CELSR1: variants seen among roughly 807,000 people sequenced by gnomAD.
CELSR1 encodes cadherin EGF LAG seven-pass G-type receptor 1.
Under a neutral mutation model 249.1 loss-of-function variants are expected in CELSR1, and 110 were observed. The observed-to-expected ratio is 0.44, with a 90% CI of 0.38 to 0.52. CELSR1 has a LOEUF of 0.52. CELSR1 is among the 20% of genes least tolerant of loss of function. The probability of loss-of-function intolerance (pLI) is 0.00; values close to 1 mark genes in which losing one functional copy is unlikely to be tolerated. For missense variants in CELSR1, 4,109 were observed against 4,296.4 expected, an observed-to-expected ratio of 0.96 and a Z score of 1.22; for synonymous variants, 2,113 against 1,900.0, an observed-to-expected ratio of 1.11 and a Z score of -2.92.
rs1379451724 is a variant in CELSR1, at chr22:46,401,862, G to A, written c.5227-1960C>T. ...GTGACTTTGGGAGACCAAGGCGGGT[G>A]GATCACCTGAGGTCAGGAGTTTGAG... On this transcript the variant is annotated intron_variant, in intron 9 of 34. Transcript: ENST00000674500. This position sits in a 1 kb window ranked among gnomAD's most constrained non-coding sequence, Gnocchi z 4.7. Among the ~76,000 whole-genome samples, 1 of 152,116 alleles carries A rather than the reference G, an allele frequency of 6.6e-6. No homozygotes were observed. The highest frequency in any genetic ancestry group is 2.4e-5 in the African/African-American group (1 of 41,414).
rs753474429 is a variant in CELSR1 at position 46,535,818 on chromosome 22, G to A, written c.1353C>T (p.Asp451=). The A allele has an allele frequency of 1.9e-6, 3 of 1,612,144 alleles. No homozygotes were observed. Among genetic ancestry groups the A allele is most frequent in the Non-Finnish European group, 2.5e-6 (3 of 1,179,992 alleles). ...ATATVYIEVE[D]ENDNYPQFSE... ...TGAACTGGGGGTAGTTGTCGTTCTC[G>A]TCCTCCACCTCGATGTACACGGTGG... Residue 451 remains aspartate (D), a synonymous_variant, in exon 1 of 35, where the codon GAC becomes GAT. Coordinates refer to ENST00000674500, the MANE Select transcript of CELSR1 (RefSeq NM_001378328.1).
chr22:46,394,510 T>A (rs1332165225), intron 13 of CELSR1, among the ~76,000 whole-genome samples: 1 of 152,118 alleles, frequency 6.6e-6, no homozygotes, highest in African/African-American at 2.4e-5. Flanking sequence ...GTGCCCCACG[T>A]CCACATGATG....
chr22:46,517,385 C>G lies in CELSR1; in HGVS notation c.3544+16242G>C, dbSNP rs1466836528. On this transcript the variant is annotated intron_variant, in intron 1 of 34. Transcript: ENST00000674500. The surrounding 1 kb of genome is among the most constrained non-coding windows in gnomAD (Gnocchi z 5.4). Reference sequence around the variant, plus strand: ...CAACACCAAAGCCACCGGTTTCCTGCCTACGGGGTCATCCCGGCCTGGTTT... The same window carrying G: ...CAACACCAAAGCCACCGGTTTCCTGGCTACGGGGTCATCCCGGCCTGGTTT... Among the ~76,000 whole-genome samples, 1 of 152,254 alleles carries G rather than the reference C, an allele frequency of 6.6e-6. No homozygotes were observed. Among genetic ancestry groups the G allele is most frequent in the African/African-American group, 2.4e-5 (1 of 41,472 alleles).
intron 14 of CELSR1, 37 bp downstream of exon 14, chr22:46,394,105 A>G (rs1569131046): frequency 6.2e-7 from 1 of 1,600,616 alleles, no homozygotes. Context: ...TGTGTGAGCA[A>G]ACACAGCATG....
intron 23 of CELSR1, among the ~76,000 whole-genome samples, chr22:46,378,326 A>C (rs992667407): frequency 1.3e-5 from 2 of 152,200 alleles, no homozygotes; most frequent in African/African-American, 4.8e-5. Context: ...ATACATAACC[A>C]GGGCTCTCTG....
At chr22:46,503,543 G>GA (rs1318047161) in intron 1 of CELSR1, among the ~76,000 whole-genome samples, 1 of 152,244 alleles carries the variant, frequency 6.6e-6, no homozygotes, top group African/African-American at 2.4e-5. Flanking sequence ...CCAGCGAGAG[G>GA]AAGCCAAGAG....
intron 20 of CELSR1, 45 bp downstream of exon 20, chr22:46,384,498 C>G: frequency 6.5e-7 from 1 of 1,544,378 alleles, no homozygotes; most frequent in Non-Finnish European, 8.8e-7. Context: ...CCTCCCTGAA[C>G]GCTGGGGACT....
intron 1 of CELSR1, among the ~76,000 whole-genome samples, chr22:46,494,182 C>G (rs765924569): frequency 6.6e-6 from 1 of 152,204 alleles, no homozygotes; most frequent in Non-Finnish European, 1.5e-5. Context: ...GCTGGCCTAT[C>G]TGGCTATCCT....
chr22:46,448,840 T>A lies in CELSR1; in HGVS notation c.4184-9429A>T, dbSNP rs889032985. Among the ~76,000 whole-genome samples, 1 of 151,986 alleles carries A rather than the reference T, an allele frequency of 6.6e-6. No homozygotes were observed. Among genetic ancestry groups the A allele is most frequent in the Non-Finnish European group, 1.5e-5 (1 of 68,004 alleles). ...GGATCCTAGGATGCAGAAAGCACAG[T>A]CTTGAAGACACAACCCAACAGCGTG... On this transcript the variant is annotated intron_variant, in intron 2 of 34. Transcript: ENST00000674500. This position sits in a 1 kb window ranked among gnomAD's most constrained non-coding sequence, Gnocchi z 5.7.
intron 24 of CELSR1, among the ~76,000 whole-genome samples, chr22:46,376,280 T>C (rs947357295): frequency 6.6e-6 from 1 of 152,264 alleles, no homozygotes; most frequent in Admixed American, 6.5e-5. Flanking sequence ...TAAACCATCC[T>C]TGCATTCCTA....
At chr22:46,389,749 C>T (rs1319293219) in intron 17 of CELSR1, among the ~76,000 whole-genome samples, 1 of 151,812 alleles carries the variant, frequency 6.6e-6, no homozygotes, top group East Asian at 1.9e-4. Context: ...AAACCCGTCT[C>T]TACTCTCTAT....
Position 46,380,877 on chromosome 22 carries a change from G to A in CELSR1, c.7167C>T (p.Pro2389=), listed in dbSNP as rs571539864. 1.1e-5 allele frequency: 18 copies of A among 1,613,092 alleles called. No homozygotes were observed. The highest frequency in any genetic ancestry group is 1.4e-5 in the Non-Finnish European group (17 of 1,179,928). Residue 2389 remains proline, a synonymous_variant, in exon 22 of 35, where the codon CCC becomes CCT. Transcript: ENST00000674500. This position sits in a 1 kb window ranked among gnomAD's most constrained non-coding sequence, Gnocchi z 5.1. The part of the protein sequence containing the change: ...VYSEGAPLPR[P]LERPVLVEFA... Reference sequence around the variant, plus strand: ...ACTCCACCAGGACGGGCCTCTCCAGGGGTCTCGGGAGCGGAGCCCCCTCGC... The same window carrying A: ...ACTCCACCAGGACGGGCCTCTCCAGAGGTCTCGGGAGCGGAGCCCCCTCGC...
rs143151758 is a variant in CELSR1, at chr22:46,472,639, G to A, written c.3545-8294C>T. Among the ~76,000 whole-genome samples the A allele has an allele frequency of 4.7e-3, 719 of 152,338 alleles. 8 individuals carry two copies. Among genetic ancestry groups the A allele is most frequent in the African/African-American group, 0.016 (684 of 41,568 alleles). ...ACGGGTGGCATCAGCTCCCGGGGCC[G>A]TCGGAGCAAAGGGCCGCCGCTGCAT... On this transcript the variant is annotated intron_variant, in intron 1 of 34. Coordinates refer to ENST00000674500, the MANE Select transcript of CELSR1 (RefSeq NM_001378328.1). This position sits in a 1 kb window ranked among gnomAD's most constrained non-coding sequence, Gnocchi z 7.0.
intron 2 of CELSR1, among the ~76,000 whole-genome samples, chr22:46,462,311 C>T (rs2080039141): frequency 6.6e-6 from 1 of 152,176 alleles, no homozygotes; most frequent in African/African-American, 2.4e-5. Context: ...GGGCCACCAA[C>T]CTGGAGCGCA....
chr22:46,367,532 C>G (rs921687080), intron 28 of CELSR1, among the ~76,000 whole-genome samples, 197 bp downstream of exon 28: 4 of 152,212 alleles, frequency 2.6e-5, no homozygotes, highest in African/African-American at 9.6e-5. Context: ...GTCATCGTCC[C>G]CAGACACAGT....
chr22:46,391,331 A>C lies in CELSR1; in HGVS notation c.6149-44T>G. 2 of 1,545,724 alleles carry C rather than the reference A, an allele frequency of 1.3e-6. No individual in the cohort carries two copies. Among genetic ancestry groups the C allele is most frequent in the Non-Finnish European group, 8.9e-7 (1 of 1,122,762 alleles). On this transcript the variant is annotated intron_variant, in intron 15 of 34. Coordinates refer to ENST00000674500, the MANE Select transcript of CELSR1 (RefSeq NM_001378328.1). This position sits in a 1 kb window ranked among gnomAD's most constrained non-coding sequence, Gnocchi z 4.3. ...AAGTCTGCTCAGCGGGGCACGCCAC[A>C]CCCACGACCACAAACAGGCACCACT...
chr22:46,398,519 C>A lies in CELSR1; in HGVS notation c.5526+5G>T. Reference sequence around the variant, plus strand: ...CTCCCCCCGCCCCCCACAACCCCCACGCACCTGCATGCAGCCTCGGAATCC... The same window carrying A: ...CTCCCCCCGCCCCCCACAACCCCCAAGCACCTGCATGCAGCCTCGGAATCC... On this transcript the variant is annotated splice_donor_5th_base_variant and intron_variant, in intron 11 of 34. Transcript: ENST00000674500. This position sits in a 1 kb window ranked among gnomAD's most constrained non-coding sequence, Gnocchi z 7.2. The A allele has an allele frequency of 6.3e-7, 1 of 1,599,438 alleles. No individual in the cohort carries two copies. The highest frequency in any genetic ancestry group is 1.1e-5 in the South Asian group (1 of 89,270).
chr22:46,410,321 C>A lies in CELSR1; in HGVS notation c.4933+77G>T. 6.5e-7 allele frequency: 1 copy of A among 1,548,270 alleles called. No individual in the cohort carries two copies. The highest frequency in any genetic ancestry group is 8.9e-7 in the Non-Finnish European group (1 of 1,128,922). ...ACACGGCTCCCCAGGGATCTGCAAG[C>A]AGTGACCTCTGTGTGGCTGCCGACG... On this transcript the variant is annotated intron_variant, in intron 7 of 34. Coordinates refer to ENST00000674500, the MANE Select transcript of CELSR1 (RefSeq NM_001378328.1). The surrounding 1 kb of genome is among the most constrained non-coding windows in gnomAD (Gnocchi z 6.8).
rs550935372 is a variant in CELSR1, at chr22:46,425,896, G to T, written c.4611+7497C>A. On this transcript the variant is annotated intron_variant, in intron 5 of 34. Transcript: ENST00000674500. ...ATTTGAAACATCCCCCTTTTCTAAT[G>T]TAAGTATTTAGTGCTATACATTTCC... is the stretch of plus-strand genomic sequence containing the variant. 4.6e-5 allele frequency among the ~76,000 whole-genome samples: 7 copies of T among 152,314 alleles called. No individual in the cohort carries two copies. The South Asian group carries it at 1.4e-3, about 32-fold the overall frequency.
Sources: allele counts gnomAD v4.1 joint callset (sites outside exome capture counted in the v4.1 genomes callset), GRCh38; gene constraint gnomAD v4.1.1; non-coding constraint Gnocchi (gnomAD v3.1); transcripts MANE v1.5; gene names NCBI Gene and HGNC (gene_info 2026-07-23, HGNC 2026-07-21).